BPIFB2: variants seen among roughly 807,000 people sequenced by gnomAD.
BPIFB2 encodes BPI fold containing family B member 2.
BPIFB2 carries 39 observed loss-of-function variants against 50.1 expected under a neutral mutation model. The observed-to-expected ratio is 0.78, with a 90% CI of 0.60 to 1.02. The LOEUF (loss-of-function observed/expected upper bound fraction) is 1.02. Ranked by LOEUF, BPIFB2 falls within the 50% of genes least tolerant of loss-of-function variation. The pLI, the probability that BPIFB2 is intolerant of heterozygous loss-of-function variation, is 0.00. For synonymous variants in BPIFB2, 280 were observed against 256.3 expected, an observed-to-expected ratio of 1.09 and a Z score of -0.88; for missense variants, 574 against 585.8, an observed-to-expected ratio of 0.98 and a Z score of 0.21.
intron 11 of BPIFB2, 58 bp from the exon 12 acceptor site, chr20:33,020,270 G>A (rs941265407): frequency 2.6e-6 from 4 of 1,535,106 alleles, no homozygotes; most frequent in Non-Finnish European, 2.7e-6. Context: ...GAGGCTGGGT[G>A]GCTGGTGCCC....
chr20:33,010,935 C>T, intron 2 of BPIFB2, 89 bp from the exon 3 acceptor site: 1 of 1,155,038 alleles, frequency 8.7e-7, no homozygotes, highest in Admixed American at 1.8e-5. Flanking sequence ...ACCCTCTGCC[C>T]AAGGTGCAGG....
Position 33,021,787 on chromosome 20 carries a change from C to CT in BPIFB2, c.1326dup (p.Val443CysfsTer3), listed in dbSNP as rs1236068133. 6.2e-7 allele frequency: 1 copy of CT among 1,613,766 alleles called. No individual in the cohort carries two copies. Among genetic ancestry groups the CT allele is most frequent in the African/African-American group, 1.3e-5 (1 of 74,920 alleles). ...ACCTCCACTATGTCGCCCCTGAGATCTTTGTCTATGAGGTGAGAGCCTTTG... is the reference window on the plus strand; with the variant it reads ...ACCTCCACTATGTCGCCCCTGAGATCTTTTGTCTATGAGGTGAGAGCCTTTG... On this transcript the variant is annotated frameshift_variant, in exon 15 of 16. Coordinates refer to ENST00000170150, the MANE Select transcript of BPIFB2 (RefSeq NM_025227.3). LOFTEE classifies it high-confidence loss of function.
At position 33,013,830 on chromosome 20, in the gene BPIFB2, T is replaced by C. The variant is rs1340708877; in HGVS notation, c.329T>C (p.Leu110Pro). ...KVFRAPEPLE[L>P]TLPVELLADT... ...TACAGCGCCCCAGAGCCCCTGGAGC[T>C]GACGCTGCCTGTGGAACTGCTGGCT... The change falls in exon 5 of 16, where the codon CTG becomes CCG. Residue 110 changes from leucine (L) to proline (P), a missense_variant. By Grantham distance (98) the Leu-to-Pro change is moderately conservative (BLOSUM62 -3). Coordinates refer to ENST00000170150, the MANE Select transcript of BPIFB2 (RefSeq NM_025227.3). The C allele has an allele frequency of 1.9e-6, 3 of 1,613,582 alleles. No individual in the cohort carries two copies. The highest frequency in any genetic ancestry group is 2.5e-6 in the Non-Finnish European group (3 of 1,179,956).
intron 8 of BPIFB2, 106 bp downstream of exon 8, chr20:33,018,456 A>G (rs1254114504): frequency 1.5e-6 from 2 of 1,304,562 alleles, no homozygotes; most frequent in African/African-American, 2.9e-5. Flanking sequence ...GGAGAGGAGG[A>G]GCTGGAATAG....
At chr20:33,019,791 C>T in intron 11 of BPIFB2, 41 bp downstream of exon 11, 1 of 1,536,120 alleles carries the variant, frequency 6.5e-7, no homozygotes, top group African/African-American at 1.4e-5. Flanking sequence ...GCAACTGTCA[C>T]AGAGACCTCC....
At chr20:33,018,602 T>G in intron 8 of BPIFB2, 35 bp from the exon 9 acceptor site, 7 of 1,568,250 alleles carry the variant, frequency 4.5e-6, no homozygotes, top group Non-Finnish European at 6.1e-6. Context: ...GAGGCCCTGC[T>G]GCTTTTCTCC....
rs755101496 is a variant in BPIFB2 at position 33,018,754 on chromosome 20, C to G, written c.787C>G (p.Leu263Val). ...SMATVGLSQQ[L>V]FDSALLLLQK... ...GGCCACCGTGGGCCTCTCCCAGCAG[C>G]TGTTTGACTCTGCGCTCCTGCTGCT... Residue 263 changes from leucine to valine, a missense_variant, in exon 9 of 16, where the codon CTG becomes GTG. Coordinates refer to ENST00000170150, the MANE Select transcript of BPIFB2 (RefSeq NM_025227.3). The G allele has an allele frequency of 3.1e-6, 5 of 1,614,256 alleles. No individual in the cohort carries two copies. In the East Asian group the frequency reaches 1.1e-4, roughly 36 times the overall value.
In BPIFB2 at chr20:33,011,124, G is replaced by T. The variant is rs763080696; in HGVS notation, c.203+7G>T. ...AGGCGCTTCAGCCCACCAGGTGAGT[G>T]CTCCCCTCCTCCAGAGAAGGTGCTC... On this transcript the variant is annotated splice_region_variant and intron_variant, in intron 3 of 15. Coordinates refer to ENST00000170150, the MANE Select transcript of BPIFB2 (RefSeq NM_025227.3). The T allele has an allele frequency of 1.2e-6, 2 of 1,612,180 alleles. No individual in the cohort carries two copies. Among genetic ancestry groups the T allele is most frequent in the African/African-American group, 1.3e-5 (1 of 74,888 alleles).
At chr20:33,022,830 T>G (rs1978724289) in intron 15 of BPIFB2, among the ~76,000 whole-genome samples, 1 of 152,346 alleles carries the variant, frequency 6.6e-6, no homozygotes, top group East Asian at 1.9e-4. Context: ...AGCCCTAGGC[T>G]ACGAGCTACA....
rs1335987162 is a variant in BPIFB2, at chr20:33,021,318, A to G, written c.1232A>G (p.Glu411Gly). ...QVRTLMGTVF[E>G]KPLLDHLNAL... ...CGCACACTGATGGGCACCGTTTTTG[A>G]GAAGCCCCTGCTGGACCATCTCAAT... is the stretch of plus-strand genomic sequence containing the variant. The change falls in exon 14 of 16, where the codon GAG becomes GGG. Residue 411 changes from glutamate to glycine, a missense_variant. Coordinates refer to ENST00000170150, the MANE Select transcript of BPIFB2 (RefSeq NM_025227.3). 2 of 1,613,714 alleles carry G rather than the reference A, an allele frequency of 1.2e-6. No individual in the cohort carries two copies. Among genetic ancestry groups the G allele is most frequent in the Admixed American group, 3.3e-5 (2 of 59,992 alleles).
chr20:33,008,619 G>A lies in BPIFB2; in HGVS notation c.45G>A (p.Leu15=), dbSNP rs1478243559. The A allele has an allele frequency of 6.2e-7, 1 of 1,606,448 alleles. No homozygotes were observed. Residue 15 remains leucine, a synonymous_variant, in exon 2 of 16, where the codon CTG becomes CTA. Transcript: ENST00000170150. ...SRLGLLLALL[L]PVVGASTPGT... is the part of the protein sequence containing the mutation. ...TGGGCCTGCTGCTGGCACTGCTGCT[G>A]CCCGTGGTCGGTGCCTCCACGCCAG...
At position 33,009,139 on chromosome 20, in the gene BPIFB2, C is replaced by T. The variant is rs190191737; in HGVS notation, c.109+456C>T. On this transcript the variant is annotated intron_variant, in intron 2 of 15. Transcript: ENST00000170150. This position sits in a 1 kb window ranked among gnomAD's most constrained non-coding sequence, Gnocchi z 4.2. ...TTTGCGTATGTGGTGTGTGCACGCA[C>T]GTGTGTTCTTGGGAGAGGTCTGTCT... Among the ~76,000 whole-genome samples, 35 of 152,234 alleles carry T rather than the reference C, an allele frequency of 2.3e-4. No individual in the cohort carries two copies. Among genetic ancestry groups the T allele is most frequent in the East Asian group, 7.7e-4 (4 of 5,190 alleles).
At chr20:33,013,504 T>C (rs2146350694) in intron 4 of BPIFB2, among the ~76,000 whole-genome samples, 1 of 152,188 alleles carries the variant, frequency 6.6e-6, no homozygotes, top group East Asian at 1.9e-4. Flanking sequence ...ACCAACCTTA[T>C]GTCCATTTTA....
At chr20:33,017,782 G>A (rs1008895516) in intron 7 of BPIFB2, among the ~76,000 whole-genome samples, 16 of 152,308 alleles carry the variant, frequency 1.1e-4, no homozygotes, top group African/African-American at 2.6e-4. Flanking sequence ...GCGTGTGTGC[G>A]TACGTGTGAG....
In BPIFB2 at chr20:33,021,723, C is replaced by T. The variant is rs747617309; in HGVS notation, c.1259C>T (p.Ala420Val). 86 of 1,614,104 alleles carry T rather than the reference C, an allele frequency of 5.3e-5. No homozygotes were observed. Among genetic ancestry groups the T allele is most frequent in the Middle Eastern group, 1.6e-4 (1 of 6,062 alleles). The stretch of plus-strand genomic sequence containing the variant: ...ATCCTTTCTTCTTTCTCGCCTGCAG[C>T]TCTCTTGGCCATGGGAATTGCCCTC... ...FEKPLLDHLN[A>V]LLAMGIALPG... Residue 420 changes from alanine (A) to valine (V), a missense_variant and splice_region_variant, in exon 15 of 16, where the codon GCT (alanine) becomes GTT (valine). Ala to Val is a moderately conservative substitution (Grantham distance 64). Transcript: ENST00000170150.
Position 33,023,337 on chromosome 20 carries a change from T to A in BPIFB2, c.1336-5T>A. On this transcript the variant is annotated splice_polypyrimidine_tract_variant and splice_region_variant and intron_variant, in intron 15 of 15. Coordinates refer to ENST00000170150, the MANE Select transcript of BPIFB2 (RefSeq NM_025227.3). Reference sequence around the variant, plus strand: ...ACCTGGTCCATGGTTTCCTTTGCCCTTCAGGGCTACGTGGTGATATCCAGT... The same window carrying A: ...ACCTGGTCCATGGTTTCCTTTGCCCATCAGGGCTACGTGGTGATATCCAGT... 1 of 1,613,754 alleles carries A rather than the reference T, an allele frequency of 6.2e-7. No homozygotes were observed. Among genetic ancestry groups the A allele is most frequent in the Non-Finnish European group, 8.5e-7 (1 of 1,179,762 alleles).
chr20:33,014,084 T>C lies in BPIFB2; in HGVS notation c.455+128T>C, dbSNP rs186641767. On this transcript the variant is annotated intron_variant, in intron 5 of 15. Coordinates refer to ENST00000170150, the MANE Select transcript of BPIFB2 (RefSeq NM_025227.3). ...GCCTCAGGGGCCCCCATTATTGTGCTTGTTTTATGTCGGAGGACACTGAGG... is the reference window on the plus strand; with the variant it reads ...GCCTCAGGGGCCCCCATTATTGTGCCTGTTTTATGTCGGAGGACACTGAGG... The C allele has an allele frequency of 8.0e-6, 10 of 1,252,020 alleles. No homozygotes were observed. The Admixed American group carries it at 1.1e-4, about 14-fold the overall frequency. The allele number at this position is 1,252,020 out of a possible 1,614,324, so 77.6% of individuals were successfully genotyped here.
intron 7 of BPIFB2, among the ~76,000 whole-genome samples, chr20:33,017,648 G>C (rs944306960): frequency 1.3e-5 from 2 of 152,254 alleles, no homozygotes; most frequent in African/African-American, 4.8e-5. Context: ...ACTGGCCCCA[G>C]TGGTGTGTGC....
chr20:33,021,777 C>T lies in BPIFB2; in HGVS notation c.1313C>T (p.Ala438Val), dbSNP rs1444126347. 6.2e-7 allele frequency: 1 copy of T among 1,613,874 alleles called. No homozygotes were observed. Among genetic ancestry groups the T allele is most frequent in the East Asian group, 2.2e-5 (1 of 44,890 alleles). Residue 438 changes from alanine (A) to valine (V), a missense_variant, in exon 15 of 16, where the codon GCC becomes GTC. By Grantham distance (64) the Ala-to-Val change is moderately conservative (BLOSUM62 0). Coordinates refer to ENST00000170150, the MANE Select transcript of BPIFB2 (RefSeq NM_025227.3). ...GGTGTGGTCAACCTCCACTATGTCG[C>T]CCCTGAGATCTTTGTCTATGAGGTG... Reference protein sequence around the residue: ...LPGVVNLHYVAPEIFVYEGYV... With the variant: ...LPGVVNLHYVVPEIFVYEGYV...
Sources: allele counts gnomAD v4.1 joint callset (sites outside exome capture counted in the v4.1 genomes callset), GRCh38; gene constraint gnomAD v4.1.1; non-coding constraint Gnocchi (gnomAD v3.1); transcripts MANE v1.5; gene names NCBI Gene and HGNC (gene_info 2026-07-23, HGNC 2026-07-21).